MED23: variants seen among roughly 807,000 people sequenced by gnomAD.
MED23 encodes the protein mediator of RNA polymerase II transcription subunit 23.
Under a neutral mutation model 163.9 loss-of-function variants are expected in MED23, and 105 were observed. That is an observed-to-expected ratio of 0.64 (90% CI 0.55 to 0.75). The LOEUF (loss-of-function observed/expected upper bound fraction) is 0.75, where lower values mean the gene tolerates loss of function less well. MED23 is among the 30% of genes least tolerant of loss of function. The pLI, the probability that MED23 is intolerant of heterozygous loss-of-function variation, is 0.00. For missense variants in MED23, 1,054 were observed against 1,649.0 expected, an observed-to-expected ratio of 0.64 and a Z score of 6.25; for synonymous variants, 561 against 565.6, an observed-to-expected ratio of 0.99 and a Z score of 0.12.
At chr6:131,603,274 C>A in intron 15 of MED23, 70 bp from the exon 16 acceptor site, 1 of 1,410,860 alleles carries the variant, frequency 7.1e-7, no homozygotes, top group South Asian at 1.2e-5. Context: ...TGAAGAAAGT[C>A]ACATTGAGTA....
At chr6:131,624,371 C>A (rs1446522376) in intron 4 of MED23, among the ~76,000 whole-genome samples, 3 of 152,126 alleles carry the variant, frequency 2.0e-5, no homozygotes, top group Non-Finnish European at 4.4e-5. Context: ...TGAGGGCCTG[C>A]GGAGGTTCTG....
downstream of MED23, chr6:131,582,809 A>G (rs1482778248): frequency 1.1e-4 from 114 of 1,037,422 alleles, no homozygotes; most frequent in Non-Finnish European, 2.4e-5. Flanking sequence ...AAAATTAAAC[A>G]TCAAGACACA....
intron 10 of MED23, chr6:131,615,396 G>GA: frequency 6.6e-7 from 1 of 1,508,528 alleles, no homozygotes; most frequent in Non-Finnish European, 9.0e-7. Context: ...AATAAAGGAA[G>GA]AAAAAAAGAA....
Position 131,587,247 on chromosome 6 carries a change from G to T in MED23, c.*432C>A. 1 of 1,039,452 alleles carries T rather than the reference G, an allele frequency of 9.6e-7. No individual in the cohort carries two copies. The highest frequency in any genetic ancestry group is 1.2e-6 in the Non-Finnish European group (1 of 850,300). The allele number at this position is 1,039,452 out of a possible 1,614,324, so 64.4% of individuals were successfully genotyped here. ...CTATTATTCTGAAAATCTACCAAGAGATTTATGTATAAAATATTTGTAATA... is the reference window on the plus strand; with the variant it reads ...CTATTATTCTGAAAATCTACCAAGATATTTATGTATAAAATATTTGTAATA... On this transcript the variant is annotated 3_prime_UTR_variant, in exon 29 of 29. Transcript: ENST00000368068.
chr6:131,592,286 C>T (rs1299320559), intron 25 of MED23, 102 bp downstream of exon 25: 14 of 933,550 alleles, frequency 1.5e-5, no homozygotes, highest in Non-Finnish European at 2.3e-5. Flanking sequence ...ATTTGCATGA[C>T]GTCCCGTACA....
chr6:131,606,371 G>A, intron 13 of MED23, 108 bp downstream of exon 13: 1 of 1,101,990 alleles, frequency 9.1e-7, no homozygotes, highest in South Asian at 1.3e-5. Context: ...TACCTATAGT[G>A]GGTATGCGGA....
At chr6:131,614,558 A>G (rs1776524078) in intron 10 of MED23, among the ~76,000 whole-genome samples, 1 of 152,166 alleles carries the variant, frequency 6.6e-6, no homozygotes, top group Non-Finnish European at 1.5e-5. Context: ...GACTGTTAAG[A>G]GTTTGATTTA....
At chr6:131,575,458 C>T (rs926459326) in intron 30 of MED23, among the ~76,000 whole-genome samples, 2 of 151,994 alleles carry the variant, frequency 1.3e-5, no homozygotes, top group South Asian at 4.2e-4. Context: ...GTGTGTCAAG[C>T]AAAAAGGGAG....
At position 131,628,185 on chromosome 6, in the gene MED23, CT is replaced by C; in HGVS notation, c.-137del. 2.0e-6 allele frequency: 2 copies of C among 1,017,568 alleles called. No individual in the cohort carries two copies. Among genetic ancestry groups the C allele is most frequent in the Non-Finnish European group, 3.0e-6 (2 of 658,086 alleles). The allele number at this position is 1,017,568 out of a possible 1,614,324, so 63.0% of individuals were successfully genotyped here. ...CTCGGCGTCGCTTCCTCCCCCAGCG[CT>C]TTACCTGGAGCGTTCCCTCCCGAGC... is the stretch of plus-strand genomic sequence containing the variant. On this transcript the variant is annotated 5_prime_UTR_variant, in exon 1 of 29. Coordinates refer to ENST00000368068, the MANE Select transcript of MED23 (RefSeq NM_004830.4).
At chr6:131,599,410 GGTTTACA>G (rs1331952644) in intron 18 of MED23, among the ~76,000 whole-genome samples, 3 of 152,126 alleles carry the variant, frequency 2.0e-5, no homozygotes, top group Non-Finnish European at 4.4e-5. Context: ...AGAAAAGCCA[GGTTTACA>G]GTTTTTCTGT....
chr6:131,593,983 T>C, intron 23 of MED23, 116 bp downstream of exon 23: 2 of 846,246 alleles, frequency 2.4e-6, no homozygotes, highest in Non-Finnish European at 3.7e-6. Flanking sequence ...GGAAGTGATC[T>C]TAAAAAAAAT....
intron 14 of MED23, 123 bp downstream of exon 14, chr6:131,605,116 TA>T: frequency 1.0e-6 from 1 of 996,896 alleles, no homozygotes; most frequent in African/African-American, 1.7e-5. Flanking sequence ...AAAATAAAGC[TA>T]ACTTTTTTTT....
At chr6:131,605,207 T>C (rs2114670147) in intron 14 of MED23, 33 bp downstream of exon 14, 1 of 1,609,346 alleles carries the variant, frequency 6.2e-7, no homozygotes, top group East Asian at 2.2e-5. Context: ...ATCAATTCCC[T>C]GACATGGAAC....
chr6:131,586,221 C>A (rs1052313367), downstream of MED23, among the ~76,000 whole-genome samples: 1 of 151,844 alleles, frequency 6.6e-6, no homozygotes, highest in Admixed American at 6.6e-5. Flanking sequence ...AGTGAAACCC[C>A]GTCTCTACTA....
At chr6:131,602,505 G>T (rs1397523115) in intron 16 of MED23, 124 bp from the exon 17 acceptor site, 2 of 842,650 alleles carry the variant, frequency 2.4e-6, no homozygotes, top group African/African-American at 3.4e-5. Context: ...AAACACTTTT[G>T]TGTGAGAATA....
chr6:131,583,824 A>T (rs750083218), downstream of MED23: 3 of 1,614,060 alleles, frequency 1.9e-6, no homozygotes, highest in South Asian at 3.3e-5. Flanking sequence ...CAGTGAACAC[A>T]GCAGTTGCAA....
Position 131,591,321 on chromosome 6 carries a change from G to A in MED23, c.3678C>T (p.Leu1226=), listed in dbSNP as rs755765025. Residue 1226 remains leucine, a synonymous_variant, in exon 26 of 29, where the codon CTC becomes CTT. Transcript: ENST00000368068. ...WHHSSIGQLS[L]IPKFLTEVLL... is the part of the protein sequence containing the mutation. ...GAAATTATTATACTTACTTTGGAAT[G>A]AGAGAAAGTTGTCCGATGCTAGAAT... The A allele has an allele frequency of 5.6e-6, 9 of 1,608,622 alleles. No homozygotes were observed. Among genetic ancestry groups the A allele is most frequent in the East Asian group, 2.2e-5 (1 of 44,840 alleles).
chr6:131,617,724 T>C (rs895372766), intron 9 of MED23, among the ~76,000 whole-genome samples: 1 of 152,132 alleles, frequency 6.6e-6, no homozygotes, highest in African/African-American at 2.4e-5. Flanking sequence ...GATATAGTTG[T>C]AAAAAGAGCA....
intron 3 of MED23, 47 bp downstream of exon 3, chr6:131,627,347 GAA>G: frequency 1.1e-6 from 1 of 887,998 alleles, no homozygotes; most frequent in Non-Finnish European, 1.6e-6. Flanking sequence ...AAAAAAAAAA[GAA>G]GAGGCCAAAA....
Sources: allele counts gnomAD v4.1 joint callset (sites outside exome capture counted in the v4.1 genomes callset), GRCh38; gene constraint gnomAD v4.1.1; transcripts MANE v1.5; gene names NCBI Gene and HGNC (gene_info 2026-07-23, HGNC 2026-07-21).